TMEFF2: variants seen among roughly 807,000 people sequenced by gnomAD.
TMEFF2 encodes transmembrane protein with EGF like and two follistatin like domains 2.
TMEFF2 carries 28 observed loss-of-function variants against 53.8 expected under a neutral mutation model. The ratio of observed to expected loss-of-function variants is 0.52; its 90% CI spans 0.39 to 0.71. The LOEUF (loss-of-function observed/expected upper bound fraction) is 0.71. Among genes scored for constraint, TMEFF2 ranks in the 30% least tolerant of loss-of-function variants. The pLI, the probability that TMEFF2 is intolerant of heterozygous loss-of-function variation, is 0.00. For synonymous variants in TMEFF2, 162 were observed against 166.3 expected (o/e 0.97, Z 0.20); for missense variants, 353 against 455.2 (o/e 0.78, Z 2.04).
intron 7 of TMEFF2, among the ~76,000 whole-genome samples, chr2:191,966,460 G>C (rs1175778335): frequency 6.6e-6 from 1 of 152,138 alleles, no homozygotes; most frequent in East Asian, 1.9e-4. Context: ...TTTAGTTCTA[G>C]GTGGAAAAAT....
intron 5 of TMEFF2, among the ~76,000 whole-genome samples, chr2:192,048,361 A>AACACACACACACAC (rs3053696): frequency 0.024 from 3,449 of 143,176 alleles, 79 homozygotes; most frequent in African/African-American, 0.049. Context: ...ATTCTCATAA[A>AACACACACACACAC]ACACACACAC....
At chr2:192,176,359 G>T (rs923232781) in intron 4 of TMEFF2, among the ~76,000 whole-genome samples, 1 of 151,238 alleles carries the variant, frequency 6.6e-6, no homozygotes. Context: ...TAAATGGCGG[G>T]TCCTATGTTC....
chr2:192,172,595 A>G (rs1486111561), intron 4 of TMEFF2, among the ~76,000 whole-genome samples: 1 of 152,006 alleles, frequency 6.6e-6, no homozygotes, highest in Non-Finnish European at 1.5e-5. Context: ...GAATACTTAC[A>G]GAAGATCAGG....
chr2:191,984,737 A>G (rs886901498), intron 7 of TMEFF2, among the ~76,000 whole-genome samples: 6 of 152,014 alleles, frequency 3.9e-5, no homozygotes, highest in Non-Finnish European at 5.9e-5. Context: ...AGGGGAGGGG[A>G]AAAAAACTCA....
At chr2:192,072,019 G>T (rs1445460862) in intron 4 of TMEFF2, among the ~76,000 whole-genome samples, 1 of 151,872 alleles carries the variant, frequency 6.6e-6, no homozygotes, top group Non-Finnish European at 1.5e-5. Context: ...CAGTTTATTG[G>T]GTAGTAATGC....
chr2:192,051,275 C>A (rs547378618), intron 5 of TMEFF2, among the ~76,000 whole-genome samples: 51 of 147,530 alleles, frequency 3.5e-4, no homozygotes, highest in African/African-American at 1.2e-3. Flanking sequence ...TATTAGAAAC[C>A]ACACCTAAAA....
chr2:192,163,872 G>C (rs1205249242), intron 4 of TMEFF2, among the ~76,000 whole-genome samples: 1 of 151,996 alleles, frequency 6.6e-6, no homozygotes, highest in Admixed American at 6.6e-5. Flanking sequence ...CTTTGCGTTG[G>C]CATGTAACAT....
intron 8 of TMEFF2, among the ~76,000 whole-genome samples, chr2:191,954,893 G>T (rs974253637): frequency 1.3e-5 from 2 of 152,048 alleles, no homozygotes; most frequent in African/African-American, 4.8e-5. Flanking sequence ...ACTTAAAGAG[G>T]ATCAACATAT....
chr2:191,963,928 A>T (rs1264738807), intron 7 of TMEFF2, among the ~76,000 whole-genome samples: 1 of 152,214 alleles, frequency 6.6e-6, no homozygotes, highest in African/African-American at 2.4e-5. Flanking sequence ...AGGTAGATTT[A>T]TAAAATTTCC....
rs115208418 is a variant in TMEFF2 at position 192,075,155 on chromosome 2, G to C, written c.440-17380C>G. On this transcript the variant is annotated intron_variant, in intron 4 of 9. Transcript: ENST00000272771. ...AACTAGGCACAGAAGGATGAATGTC[G>C]CTATAATGAATATCTTTGGTTCCTC... is the stretch of plus-strand genomic sequence containing the variant. Among the ~76,000 whole-genome samples the C allele has an allele frequency of 4.0e-5, 6 of 150,660 alleles. No homozygotes were observed. In the South Asian group the frequency reaches 6.3e-4, roughly 16 times the overall value.
At chr2:192,013,574 C>T (rs1686679881) in intron 5 of TMEFF2, among the ~76,000 whole-genome samples, 1 of 152,034 alleles carries the variant, frequency 6.6e-6, no homozygotes, top group Non-Finnish European at 1.5e-5. Flanking sequence ...CCTCAGCCTC[C>T]AAGTAGCTGG....
At chr2:192,001,642 G>A (rs1333607771) in intron 5 of TMEFF2, among the ~76,000 whole-genome samples, 2 of 152,038 alleles carry the variant, frequency 1.3e-5, no homozygotes, top group African/African-American at 2.4e-5. Context: ...TGAATCATGG[G>A]GGCAGGTATT....
chr2:192,086,634 T>A (rs9288189), intron 4 of TMEFF2, among the ~76,000 whole-genome samples: 4 of 152,094 alleles, frequency 2.6e-5, no homozygotes, highest in African/African-American at 9.7e-5. Flanking sequence ...AATAATCAAA[T>A]TTTATGATCC....
At chr2:192,006,295 C>A (rs1686500086) in intron 5 of TMEFF2, among the ~76,000 whole-genome samples, 1 of 151,982 alleles carries the variant, frequency 6.6e-6, no homozygotes, top group Non-Finnish European at 1.5e-5. Context: ...GAATACTGGT[C>A]CTCACTGATC....
intron 7 of TMEFF2, among the ~76,000 whole-genome samples, chr2:191,984,460 TTA>T (rs745378247): frequency 7.9e-5 from 12 of 152,258 alleles, no homozygotes; most frequent in African/African-American, 1.7e-4. Flanking sequence ...CTAGAAAAGT[TTA>T]TGTTTCTATT....
chr2:192,185,617 C>T (rs1463688713), intron 2 of TMEFF2, among the ~76,000 whole-genome samples: 1 of 151,630 alleles, frequency 6.6e-6, no homozygotes, highest in Non-Finnish European at 1.5e-5. Flanking sequence ...AACCTAAAAC[C>T]CTATCATAAA....
chr2:191,964,374 C>T (rs201065267), intron 7 of TMEFF2, among the ~76,000 whole-genome samples: 1,905 of 19,488 alleles, frequency 0.098, 33 homozygotes, highest in Middle Eastern at 0.22. Flanking sequence ...CTTTCTTTCT[C>T]TTTCTTTCTT....
intron 4 of TMEFF2, among the ~76,000 whole-genome samples, chr2:192,111,137 C>CT (rs1389908712): frequency 6.6e-6 from 1 of 152,010 alleles, no homozygotes; most frequent in African/African-American, 2.4e-5. Context: ...GAGTAGGGTG[C>CT]TGCTGTAAAG....
intron 5 of TMEFF2, among the ~76,000 whole-genome samples, chr2:192,016,407 G>T (rs1254516976): frequency 6.6e-6 from 1 of 152,164 alleles, no homozygotes; most frequent in Non-Finnish European, 1.5e-5. Context: ...AAACTCTGCA[G>T]TAACTATCTG....
Sources: gnomAD v4.1 joint callset for allele counts (sites outside exome capture counted in the v4.1 genomes callset) on GRCh38, gnomAD v4.1.1 for gene constraint, MANE v1.5 for transcripts, NCBI Gene and HGNC (gene_info 2026-07-23, HGNC 2026-07-21) for gene names.